The following RNF157 variants were observed in gnomAD, a reference collection of about 807,000 sequenced individuals.
RNF157 encodes E3 ubiquitin ligase RNF157.
RNF157 carries 55 observed loss-of-function variants against 88.3 expected under a neutral mutation model. That is an observed-to-expected ratio of 0.62 (90% CI 0.50 to 0.78). The LOEUF (loss-of-function observed/expected upper bound fraction) is 0.78, where lower values mean the gene tolerates loss of function less well. RNF157 is among the 30% of genes least tolerant of loss of function. RNF157 has a pLI of 0.00. For synonymous variants in RNF157, 334 were observed against 341.2 expected, an observed-to-expected ratio of 0.98 and a Z score of 0.23; for missense variants, 788 against 860.8, an observed-to-expected ratio of 0.92 and a Z score of 1.06.
rs753081224 is a variant in RNF157, at chr17:76,144,964, C to G, written c.*271G>C. 2 of 368,998 alleles carry G rather than the reference C, an allele frequency of 5.4e-6. No homozygotes were observed. Among genetic ancestry groups the G allele is most frequent in the Non-Finnish European group, 9.7e-6 (2 of 205,468 alleles). 22.9% of individuals were successfully genotyped at this position (368,998 alleles called of 1,614,324 possible). A position where few individuals can be genotyped will look rare whatever the true frequency, so the allele number is the denominator to read the frequency against. On this transcript the variant is annotated 3_prime_UTR_variant, in exon 19 of 19. Coordinates refer to ENST00000269391, the MANE Select transcript of RNF157 (RefSeq NM_052916.3). ...AGAAATTAGCCCATGGACCCCAGCTCCACCTGAACATCAATATACCGTGAG... is the reference window on the plus strand; with the variant it reads ...AGAAATTAGCCCATGGACCCCAGCTGCACCTGAACATCAATATACCGTGAG...
intron 1 of RNF157, chr17:76,226,500 C>T: frequency 1.2e-6 from 2 of 1,612,360 alleles, no homozygotes; most frequent in South Asian, 1.1e-5. Flanking sequence ...TCCAGGTCAT[C>T]TATACCCAAC....
intron 2 of RNF157, among the ~76,000 whole-genome samples, chr17:76,194,964 G>A (rs1023970628): frequency 4.6e-5 from 7 of 152,214 alleles, no homozygotes; most frequent in South Asian, 4.1e-4. Context: ...ACAGTGAGCC[G>A]AGATAGCACC....
At chr17:76,202,128 T>TCTCTCACA (rs1250661867) in intron 2 of RNF157, among the ~76,000 whole-genome samples, 11 of 134,662 alleles carry the variant, frequency 8.2e-5, no homozygotes, top group South Asian at 5.0e-4. Flanking sequence ...TCTCTCTCTC[T>TCTCTCACA]CACACACACA....
At position 76,161,226 on chromosome 17, in the gene RNF157, C is replaced by T. The variant is rs943845191; in HGVS notation, c.1065+309G>A. 5.3e-5 allele frequency among the ~76,000 whole-genome samples: 8 copies of T among 152,064 alleles called. No individual in the cohort carries two copies. Among genetic ancestry groups the T allele is most frequent in the South Asian group, 2.1e-4 (1 of 4,828 alleles). On this transcript the variant is annotated intron_variant, in intron 11 of 18. Transcript: ENST00000269391. The surrounding 1 kb of genome is among the most constrained non-coding windows in gnomAD (Gnocchi z 4.6). ...AAATTGTATTTAAATCCAAAATAATCGTCCCATTGTTTCTGCCTGGGGGAG... is the reference window on the plus strand; with the variant it reads ...AAATTGTATTTAAATCCAAAATAATTGTCCCATTGTTTCTGCCTGGGGGAG...
At chr17:76,169,057 T>C (rs1478176661) in intron 3 of RNF157, among the ~76,000 whole-genome samples, 1 of 152,204 alleles carries the variant, frequency 6.6e-6, no homozygotes. Flanking sequence ...TACCCTCTGG[T>C]TCTGAGAAGT....
At chr17:76,166,607 T>C (rs1406837039) in intron 5 of RNF157, 80 bp from the exon 6 acceptor site, 44 of 1,160,808 alleles carry the variant, frequency 3.8e-5, no homozygotes, top group Middle Eastern at 1.9e-4. Flanking sequence ...GAAAGGGCGA[T>C]ACTGTCAAGA....
chr17:76,187,010 A>C (rs1315834147), intron 2 of RNF157, among the ~76,000 whole-genome samples: 4 of 151,978 alleles, frequency 2.6e-5, no homozygotes, highest in Non-Finnish European at 1.5e-5. Context: ...GAGAAAAATA[A>C]TAATAGTATG....
chr17:76,170,383 C>G (rs2068995389), intron 3 of RNF157, among the ~76,000 whole-genome samples: 1 of 152,104 alleles, frequency 6.6e-6, no homozygotes, highest in African/African-American at 2.4e-5. Flanking sequence ...TGTGCACTAC[C>G]ATGCTTGGCT....
rs537864546 is a variant in RNF157, at chr17:76,226,463, G to A, written c.88+13690C>T. 47 of 1,604,646 alleles carry A rather than the reference G, an allele frequency of 2.9e-5. No individual in the cohort carries two copies. The African/African-American group carries it at 3.7e-4, about 13-fold the overall frequency. On this transcript the variant is annotated intron_variant, in intron 1 of 18. Transcript: ENST00000269391. ...AAAGAGATTACAAGTGTCATCCAAC[G>A]TGGTCAAAAGGTCATCTGGCATGGT...
At chr17:76,174,873 C>T (rs948698157) in intron 2 of RNF157, among the ~76,000 whole-genome samples, 8 of 152,226 alleles carry the variant, frequency 5.3e-5, no homozygotes, top group African/African-American at 1.7e-4. Flanking sequence ...TCAGATTACT[C>T]ACTTTGTGGG....
rs1387837533 is a variant in RNF157 at position 76,182,787 on chromosome 17, A to ATATG, written c.208-8998_208-8997insCATA. On this transcript the variant is annotated intron_variant, in intron 2 of 18. Transcript: ENST00000269391. ...TATATATATATATATATATATATAT[A>ATATG]TGAGAGATATATATATGAGAGAGAT... Among the ~76,000 whole-genome samples the ATATG allele has an allele frequency of 5.9e-5, 8 of 134,860 alleles. No individual in the cohort carries two copies. In the East Asian group the frequency reaches 8.5e-4, roughly 14 times the overall value. 88.5% of individuals were successfully genotyped at this position (134,860 alleles called of 152,430 possible).
In RNF157 at chr17:76,159,196, A is replaced by T. The variant is rs897514103; in HGVS notation, c.1304+139T>A. 7.0e-6 allele frequency: 5 copies of T among 716,698 alleles called. No homozygotes were observed. In the Admixed American group the frequency reaches 1.0e-4, roughly 15 times the overall value. 44.4% of individuals were successfully genotyped at this position (716,698 alleles called of 1,614,324 possible). On this transcript the variant is annotated intron_variant, in intron 12 of 18. Transcript: ENST00000269391. ...TTTTCATCTCTTAATGGATGGGATA[A>T]CCTTCACGCAAGCAGCTCTGGGAAC...
chr17:76,198,462 G>C (rs931585663), intron 2 of RNF157, among the ~76,000 whole-genome samples: 5 of 152,148 alleles, frequency 3.3e-5, no homozygotes, highest in African/African-American at 1.2e-4. Flanking sequence ...CACGAGAATA[G>C]GTCTGCACAT....
Position 76,203,557 on chromosome 17 carries a change from A to G in RNF157, c.207+8807T>C, listed in dbSNP as rs543051579. ...AACCTCTGCCTCCTGGGTTTAAGCAATTCTCCTGCCTCAGCTTCCTGAGTA... is the reference window on the plus strand; with the variant it reads ...AACCTCTGCCTCCTGGGTTTAAGCAGTTCTCCTGCCTCAGCTTCCTGAGTA... On this transcript the variant is annotated intron_variant, in intron 2 of 18. Coordinates refer to ENST00000269391, the MANE Select transcript of RNF157 (RefSeq NM_052916.3). 3.3e-5 allele frequency among the ~76,000 whole-genome samples: 5 copies of G among 151,134 alleles called. No homozygotes were observed. The South Asian group carries it at 8.3e-4, about 25-fold the overall frequency.
intron 1 of RNF157, among the ~76,000 whole-genome samples, chr17:76,237,352 C>T (rs2070299838): frequency 6.6e-6 from 1 of 152,250 alleles, no homozygotes; most frequent in Admixed American, 6.5e-5. Flanking sequence ...GGTCTAGCCG[C>T]TTTCCAGCGA....
intron 11 of RNF157, 143 bp from the exon 12 acceptor site, chr17:76,159,716 G>T: frequency 3.2e-6 from 2 of 632,438 alleles, no homozygotes; most frequent in East Asian, 3.1e-5. Context: ...TAGAGGCAGA[G>T]ATAAAATATC....
intron 2 of RNF157, among the ~76,000 whole-genome samples, chr17:76,205,159 G>A (rs1037497956): frequency 1.0e-5 from 1 of 96,438 alleles, no homozygotes; most frequent in South Asian, 3.1e-4. Context: ...TTTTTTTTTT[G>A]ACAGGGTCAT....
rs373375968 is a variant in RNF157 at position 76,155,260 on chromosome 17, C to T, written c.1756G>A (p.Asp586Asn). 10 of 1,614,050 alleles carry T rather than the reference C, an allele frequency of 6.2e-6. No homozygotes were observed. The African/African-American group carries it at 6.7e-5, about 11-fold the overall frequency. The part of the protein sequence containing the change: ...NFAGLPAGEQ[D>N]AEGNDVIEEE... ...CGTGCTGTTGGGGTTACCTCTGCAT[C>T]CTGCTCTCCAGCTGGGAGGCCAGCA... The change falls in exon 16 of 19, where the codon GAT becomes AAT. Residue 586 changes from aspartate (D) to asparagine (N), a missense_variant. Physicochemically the swap from Asp to Asn is conservative, Grantham distance 23 (BLOSUM62 1). Coordinates refer to ENST00000269391, the MANE Select transcript of RNF157 (RefSeq NM_052916.3).
rs2068782528 is a variant in RNF157, at chr17:76,157,328, C to T, written c.1414-1007G>A. ...TCTCCTGGCTGGGTCTGTCTCCCGT[C>T]TAGTCCAGGCTGCACACTGCGGTCG... is the stretch of plus-strand genomic sequence containing the variant. On this transcript the variant is annotated intron_variant, in intron 13 of 18. Transcript: ENST00000269391. The surrounding 1 kb of genome is among the most constrained non-coding windows in gnomAD (Gnocchi z 5.6). Among the ~76,000 whole-genome samples the T allele has an allele frequency of 6.6e-6, 1 of 152,242 alleles. No homozygotes were observed.
Sources: gnomAD v4.1 joint callset for allele counts (sites outside exome capture counted in the v4.1 genomes callset) on GRCh38, gnomAD v4.1.1 for gene constraint, Gnocchi (gnomAD v3.1) non-coding constraint, MANE v1.5 for transcripts, NCBI Gene and HGNC (gene_info 2026-07-23, HGNC 2026-07-21) for gene names.